PIK3C2A: variants seen among roughly 807,000 people sequenced by gnomAD.
PIK3C2A encodes phosphatidylinositol 4-phosphate 3-kinase C2 domain-containing subunit alpha.
Under a neutral mutation model 204.5 loss-of-function variants are expected in PIK3C2A, and 97 were observed. The observed-to-expected ratio is 0.47, with a 90% CI of 0.40 to 0.56. PIK3C2A has a LOEUF of 0.56. Among genes scored for constraint, PIK3C2A ranks in the 20% least tolerant of loss-of-function variants. The pLI, the probability that PIK3C2A is intolerant of heterozygous loss-of-function variation, is 0.00. For synonymous variants in PIK3C2A, 653 were observed against 664.4 expected, an observed-to-expected ratio of 0.98 and a Z score of 0.26; for missense variants, 1,735 against 1,969.2, an observed-to-expected ratio of 0.88 and a Z score of 2.25.
chr11:17,142,018 G>C (rs1317021672), intron 8 of PIK3C2A, among the ~76,000 whole-genome samples: 2 of 152,120 alleles, frequency 1.3e-5, no homozygotes, highest in Admixed American at 6.5e-5. Flanking sequence ...TGTAGGGAAG[G>C]GGGTATATGA....
At chr11:17,179,494 T>C (rs988536492) in intron 1 of PIK3C2A, among the ~76,000 whole-genome samples, 1 of 152,112 alleles carries the variant, frequency 6.6e-6, no homozygotes, top group African/African-American at 2.4e-5. Flanking sequence ...TCTTATCCTT[T>C]ATAACTTTTT....
intron 1 of PIK3C2A, among the ~76,000 whole-genome samples, chr11:17,197,009 G>A (rs946222775): frequency 1.3e-5 from 2 of 152,040 alleles, no homozygotes; most frequent in Admixed American, 6.6e-5. Flanking sequence ...TTAAAAATAG[G>A]TGAGCCTGGC....
At chr11:17,165,632 G>T (rs1010820426) in intron 2 of PIK3C2A, among the ~76,000 whole-genome samples, 8 of 151,814 alleles carry the variant, frequency 5.3e-5, no homozygotes, top group African/African-American at 1.7e-4. Context: ...AAAATTAGCC[G>T]GTCGTGGTGG....
chr11:17,105,360 A>C, intron 22 of PIK3C2A, 55 bp from the exon 23 acceptor site: 1 of 1,396,990 alleles, frequency 7.2e-7, no homozygotes, highest in Non-Finnish European at 9.9e-7. Flanking sequence ...GTAAGCCTTT[A>C]AACATTTTTA....
At chr11:17,139,791 C>G (rs1282762067) in intron 8 of PIK3C2A, among the ~76,000 whole-genome samples, 1 of 152,144 alleles carries the variant, frequency 6.6e-6, no homozygotes, top group Non-Finnish European at 1.5e-5. Flanking sequence ...CCTTTGCTTC[C>G]AGTCCTCACA....
intron 9 of PIK3C2A, 25 bp from the exon 10 acceptor site, chr11:17,135,184 T>C: frequency 1.2e-6 from 2 of 1,607,046 alleles, no homozygotes; most frequent in Non-Finnish European, 1.7e-6. Flanking sequence ...ACACACACAA[T>C]AGTCAGAAAA....
intron 1 of PIK3C2A, among the ~76,000 whole-genome samples, chr11:17,196,825 C>T (rs571546310): frequency 1.3e-5 from 2 of 152,150 alleles, no homozygotes; most frequent in African/African-American, 4.8e-5. Flanking sequence ...CCACCTTGGC[C>T]TCCCAAAGTG....
At chr11:17,132,181 T>C (rs1172116213) in intron 11 of PIK3C2A, 143 bp from the exon 12 acceptor site, 1 of 553,852 alleles carries the variant, frequency 1.8e-6, no homozygotes, top group Non-Finnish European at 3.1e-6. Context: ...TAGAAGTCCA[T>C]CTGAAATTTA....
intron 1 of PIK3C2A, among the ~76,000 whole-genome samples, chr11:17,184,025 T>G (rs1158114044): frequency 2.0e-5 from 3 of 151,912 alleles, no homozygotes; most frequent in African/African-American, 7.3e-5. Context: ...GAGGCTGAAG[T>G]AGGACACTCA....
chr11:17,170,928 C>G (rs1851135556), intron 1 of PIK3C2A, among the ~76,000 whole-genome samples: 1 of 151,946 alleles, frequency 6.6e-6, no homozygotes, highest in Non-Finnish European at 1.5e-5. Flanking sequence ...ACAGTGAAAC[C>G]CCGTCTCTAC....
intron 12 of PIK3C2A, among the ~76,000 whole-genome samples, chr11:17,130,749 G>T (rs1849665167): frequency 6.6e-6 from 1 of 150,422 alleles, no homozygotes; most frequent in Non-Finnish European, 1.5e-5. Context: ...TGAGGTTACA[G>T]TGGGCCAAGA....
chr11:17,138,598 T>C (rs1036321604), intron 8 of PIK3C2A, among the ~76,000 whole-genome samples: 6 of 152,194 alleles, frequency 3.9e-5, no homozygotes, highest in Non-Finnish European at 7.3e-5. Flanking sequence ...GCTGCTTTTA[T>C]GCACCTCCTA....
chr11:17,176,003 AT>A (rs57197496), intron 1 of PIK3C2A, among the ~76,000 whole-genome samples: 82,036 of 143,816 alleles, frequency 0.57, 23,090 homozygotes, highest in East Asian at 0.81. Flanking sequence ...CATGGAACTG[AT>A]TTTTTTTTTT....
intron 8 of PIK3C2A, among the ~76,000 whole-genome samples, chr11:17,140,027 C>T (rs1052329579): frequency 6.6e-6 from 1 of 152,146 alleles, no homozygotes. Flanking sequence ...TTATTCCTTG[C>T]CTCAAAACCC....
intron 1 of PIK3C2A, among the ~76,000 whole-genome samples, chr11:17,177,451 A>T (rs1044526896): frequency 1.5e-4 from 23 of 152,318 alleles, no homozygotes; most frequent in Admixed American, 1.0e-3. Flanking sequence ...AAACAGAAAA[A>T]ACAGGCTAAA....
chr11:17,096,189 C>T (rs568902787), intron 27 of PIK3C2A, among the ~76,000 whole-genome samples: 2 of 152,090 alleles, frequency 1.3e-5, no homozygotes, highest in African/African-American at 4.8e-5. Flanking sequence ...CAGACACATG[C>T]CACCACATCC....
intron 13 of PIK3C2A, among the ~76,000 whole-genome samples, chr11:17,124,755 C>A (rs964703985): frequency 4.6e-5 from 7 of 152,164 alleles, no homozygotes; most frequent in Admixed American, 4.6e-4. Flanking sequence ...TTATCTGGCA[C>A]CCTTTACAGA....
chr11:17,205,780 T>C (rs917883970), intron 1 of PIK3C2A, among the ~76,000 whole-genome samples: 1 of 152,182 alleles, frequency 6.6e-6, no homozygotes, highest in African/African-American at 2.4e-5. Flanking sequence ...AAAAAGTTAG[T>C]TTCTAAAATT....
Position 17,169,206 on chromosome 11 carries a change from A to G in PIK3C2A, c.536T>C (p.Phe179Ser), listed in dbSNP as rs1851075652. 1.2e-6 allele frequency: 2 copies of G among 1,613,984 alleles called. No homozygotes were observed. Among genetic ancestry groups the G allele is most frequent in the Non-Finnish European group, 1.7e-6 (2 of 1,180,006 alleles). The change falls in exon 2 of 33, where the codon TTT becomes TCT. Residue 179 changes from phenylalanine (F) to serine (S), a missense_variant. Physicochemically the swap from Phe to Ser is radical, Grantham distance 155. Around this residue, in one of 6 missense-constraint regions of PIK3C2A, gnomAD observed 536 missense variants for 546.7 expected, o/e 0.98. Coordinates refer to ENST00000691414, the MANE Select transcript of PIK3C2A (RefSeq NM_002645.4). ...TAAATATATAGGTTCTGTAGATGGA[A>G]AAGTGGGCATTCTTGGATTGAAGCC... is the stretch of plus-strand genomic sequence containing the variant. ...QNGFNPRMPT[F>S]PSTEPIYLSL... is the part of the protein sequence containing the mutation.
Sources: gnomAD v4.1 joint callset for allele counts (sites outside exome capture counted in the v4.1 genomes callset) on GRCh38, gnomAD v4.1.1 for gene constraint, gnomAD v4.1.1 regional missense constraint, MANE v1.5 for transcripts, NCBI Gene and HGNC (gene_info 2026-07-23, HGNC 2026-07-21) for gene names.